The following XCR1 variants were observed in gnomAD, a reference collection of about 807,000 sequenced individuals.
XCR1 encodes the protein chemokine XC receptor 1.
For missense variants in XCR1, 356 were observed against 424.2 expected, an observed-to-expected ratio of 0.84 and a Z score of 1.41; for synonymous variants, 187 against 188.5, an observed-to-expected ratio of 0.99 and a Z score of 0.06.
At chr3:46,062,835 G>C (rs1409196090) in intron 4 of XCR1, among the ~76,000 whole-genome samples, 1 of 152,244 alleles carries the variant, frequency 6.6e-6, no homozygotes, top group Non-Finnish European at 1.5e-5. Context: ...CTATCTCTGG[G>C]CTGGGGTGGC....
intron 2 of XCR1, among the ~76,000 whole-genome samples, chr3:46,075,350 G>T (rs975319885): frequency 2.9e-5 from 2 of 67,846 alleles, no homozygotes; most frequent in South Asian, 4.3e-4. Context: ...TCAAAACCAA[G>T]AAACCTCAAT....
At chr3:46,061,343 G>T (rs1423159146) in intron 4 of XCR1, among the ~76,000 whole-genome samples, 1 of 152,224 alleles carries the variant, frequency 6.6e-6, no homozygotes, top group Non-Finnish European at 1.5e-5. Context: ...CAGCCTTGGT[G>T]AGTGTAAGTC....
rs866071208 is a variant in XCR1 at position 46,020,984 on chromosome 3, G to A, written c.964C>T (p.Pro322Ser). The A allele has an allele frequency of 6.2e-7, 1 of 1,612,826 alleles. No individual in the cohort carries two copies. The highest frequency in any genetic ancestry group is 8.5e-7 in the Non-Finnish European group (1 of 1,179,362). ...APSPASIPHS[P>S]GAFAYEGASF... Reference sequence around the variant, plus strand: ...GCGCCCTCATAGGCGAAGGCACCAGGGGAGTGGGGGATCGAGGCTGGGCTG... The same window carrying A: ...GCGCCCTCATAGGCGAAGGCACCAGAGGAGTGGGGGATCGAGGCTGGGCTG... Residue 322 changes from proline (P) to serine (S), a missense_variant, in exon 2 of 2, where the codon CCT becomes TCT. By Grantham distance (74) the Pro-to-Ser change is moderately conservative. Coordinates refer to ENST00000309285, the MANE Select transcript of XCR1 (RefSeq NM_001024644.2).
intron 1 of XCR1, chr3:46,023,769 C>G: frequency 1.3e-6 from 2 of 1,545,120 alleles, no homozygotes; most frequent in Non-Finnish European, 1.8e-6. Flanking sequence ...GTATTGGAAG[C>G]AAAGCCCCAG....
intron 4 of XCR1, among the ~76,000 whole-genome samples, chr3:46,059,948 T>C (rs1575431958): frequency 6.6e-6 from 1 of 152,370 alleles, no homozygotes; most frequent in East Asian, 1.9e-4. Flanking sequence ...TGAGTGATAG[T>C]AGTTCTTTCC....
chr3:46,036,459 T>A (rs936943758), intron 5 of XCR1, among the ~76,000 whole-genome samples: 1 of 152,252 alleles, frequency 6.6e-6, no homozygotes, highest in African/African-American at 2.4e-5. Flanking sequence ...ATGCTATGTC[T>A]TTTTGTCTAA....
chr3:46,051,011 G>C (rs920450546), intron 5 of XCR1, among the ~76,000 whole-genome samples: 2 of 152,166 alleles, frequency 1.3e-5, no homozygotes, highest in African/African-American at 4.8e-5. Context: ...AGATGAAGTT[G>C]ATCTAGCTTC....
chr3:46,023,214 G>C (rs1708199210), intron 1 of XCR1: 2 of 528,048 alleles, frequency 3.8e-6, no homozygotes, highest in African/African-American at 4.0e-5. Context: ...GCCCAGAGAG[G>C]ACGCGGCTGC....
At chr3:46,071,762 C>T (rs1006103856) in intron 3 of XCR1, among the ~76,000 whole-genome samples, 1 of 152,098 alleles carries the variant, frequency 6.6e-6, no homozygotes, top group African/African-American at 2.4e-5. Context: ...TTCAGCATCA[C>T]CTCATGATAA....
chr3:46,077,378 A>C (rs1246422025), intron 1 of XCR1, among the ~76,000 whole-genome samples: 2 of 151,784 alleles, frequency 1.3e-5, no homozygotes, highest in Non-Finnish European at 2.9e-5. Context: ...GCTCCTTACG[A>C]AAATCTAATT....
chr3:46,066,875 A>C (rs760558148), intron 4 of XCR1, among the ~76,000 whole-genome samples: 2 of 152,206 alleles, frequency 1.3e-5, no homozygotes, highest in African/African-American at 2.4e-5. Flanking sequence ...GGATTAAATA[A>C]ATTAATATGA....
At chr3:46,072,518 A>T (rs945466231) in intron 3 of XCR1, among the ~76,000 whole-genome samples, 1 of 152,174 alleles carries the variant, frequency 6.6e-6, no homozygotes, top group Non-Finnish European at 1.5e-5. Context: ...AAAATAAAAC[A>T]AATAAAAACA....
chr3:46,038,905 C>T (rs1697483962), intron 5 of XCR1, among the ~76,000 whole-genome samples: 1 of 151,618 alleles, frequency 6.6e-6, no homozygotes, highest in South Asian at 2.1e-4. Flanking sequence ...TGGCCTTATC[C>T]TTAAGTAAAT....
chr3:46,062,536 T>A (rs1265467810), intron 4 of XCR1, among the ~76,000 whole-genome samples: 2 of 152,240 alleles, frequency 1.3e-5, no homozygotes, highest in African/African-American at 4.8e-5. Context: ...TCCCCCTTCC[T>A]TTTATAGGTG....
intron 4 of XCR1, among the ~76,000 whole-genome samples, chr3:46,056,353 A>C (rs940356949): frequency 2.0e-5 from 3 of 152,072 alleles, no homozygotes; most frequent in African/African-American, 7.2e-5. Flanking sequence ...TCAAGTTTTC[A>C]TTTCAATACT....
In XCR1 at chr3:46,019,563, C is replaced by T. The variant is rs1266893141; in HGVS notation, c.*1383G>A. The T allele has an allele frequency of 6.6e-6, 1 of 152,060 alleles. No individual in the cohort carries two copies. Among genetic ancestry groups the T allele is most frequent in the Non-Finnish European group, 1.5e-5 (1 of 68,034 alleles). 9.4% of individuals were successfully genotyped at this position (152,060 alleles called of 1,614,324 possible). A position where few individuals can be genotyped will look rare whatever the true frequency, so the allele number is the denominator to read the frequency against. ...CTGTCAGCTAGAACATGTTCCAGGCCCAGGTGACAGCATGACAAATGCCTA... is the reference window on the plus strand; with the variant it reads ...CTGTCAGCTAGAACATGTTCCAGGCTCAGGTGACAGCATGACAAATGCCTA... On this transcript the variant is annotated 3_prime_UTR_variant, in exon 2 of 2. Coordinates refer to ENST00000309285, the MANE Select transcript of XCR1 (RefSeq NM_001024644.2).
At chr3:46,082,209 AC>A (rs1698380336) in intron 1 of XCR1, among the ~76,000 whole-genome samples, 1 of 152,108 alleles carries the variant, frequency 6.6e-6, no homozygotes, top group South Asian at 2.1e-4. Context: ...ACCTGTTTTC[AC>A]CCAAGATACC....
chr3:46,075,400 A>G (rs1047328238), intron 2 of XCR1, among the ~76,000 whole-genome samples: 6 of 151,912 alleles, frequency 3.9e-5, no homozygotes, highest in Non-Finnish European at 5.9e-5. Flanking sequence ...CTCAAATTGG[A>G]TCATTGATAT....
chr3:46,023,620 G>A, intron 1 of XCR1: 1 of 1,352,728 alleles, frequency 7.4e-7, no homozygotes, highest in Non-Finnish European at 1.1e-6. Flanking sequence ...TGCCGAGGAT[G>A]CGGAGGGCCA....
Sources: gnomAD v4.1 joint callset for allele counts (sites outside exome capture counted in the v4.1 genomes callset) on GRCh38, gnomAD v4.1.1 for gene constraint, MANE v1.5 for transcripts, NCBI Gene and HGNC (gene_info 2026-07-23, HGNC 2026-07-21) for gene names.